The following PARD3 variants were observed in gnomAD, a reference collection of about 807,000 sequenced individuals.
PARD3 encodes the protein par-3 family cell polarity regulator.
In PARD3, 75 loss-of-function variants were observed where a neutral mutation model predicts 155.4. The observed-to-expected ratio is 0.48, with a 90% CI of 0.40 to 0.58. The LOEUF is 0.58. Among genes scored for constraint, PARD3 ranks in the 20% least tolerant of loss-of-function variants. The pLI is 0.00. For missense variants in PARD3, 1,642 were observed against 1,721.7 expected (o/e 0.95, Z 0.82); for synonymous variants, 576 against 610.5 (o/e 0.94, Z 0.83).
At chr10:34,367,530 C>T (rs533971611) in intron 12 of PARD3, among the ~76,000 whole-genome samples, 1 of 152,084 alleles carries the variant, frequency 6.6e-6, no homozygotes, top group East Asian at 1.9e-4. Flanking sequence ...ATGGTGAAAC[C>T]CCGTCTCTAC....
At chr10:34,446,857 A>G (rs2076764676) in intron 5 of PARD3, among the ~76,000 whole-genome samples, 2 of 152,246 alleles carry the variant, frequency 1.3e-5, no homozygotes, top group Admixed American at 1.3e-4. Flanking sequence ...TTTATACCAT[A>G]AAACATAGGC....
intron 2 of PARD3, among the ~76,000 whole-genome samples, chr10:34,692,505 A>G (rs1329604247): frequency 6.6e-6 from 1 of 152,238 alleles, no homozygotes; most frequent in Non-Finnish European, 1.5e-5. Context: ...CAAATTATGC[A>G]TCCAACAAAG....
chr10:34,497,135 A>G (rs1446457815), intron 3 of PARD3, among the ~76,000 whole-genome samples: 1 of 152,224 alleles, frequency 6.6e-6, no homozygotes, highest in Non-Finnish European at 1.5e-5. Context: ...TATCCAATGT[A>G]GTAACACTAA....
intron 1 of PARD3, 57 bp from the exon 2 acceptor site, chr10:34,696,476 T>C (rs751452651): frequency 5.1e-5 from 54 of 1,060,822 alleles, no homozygotes; most frequent in Non-Finnish European, 6.2e-5. Context: ...AAAAGGGAAT[T>C]AGACATTTTA....
At chr10:34,447,445 C>T (rs1287543857) in intron 5 of PARD3, among the ~76,000 whole-genome samples, 1 of 124,846 alleles carries the variant, frequency 8.0e-6, no homozygotes, top group Non-Finnish European at 1.6e-5. Context: ...TGTGCCACTG[C>T]ACTCTAGCCT....
chr10:34,683,272 A>T (rs1028539150), intron 2 of PARD3, among the ~76,000 whole-genome samples: 2 of 151,986 alleles, frequency 1.3e-5, no homozygotes, highest in African/African-American at 4.8e-5. Context: ...GGCTTGCAAA[A>T]CTATTTACCG....
At chr10:34,306,650 A>C (rs1436618807) in intron 20 of PARD3, among the ~76,000 whole-genome samples, 1 of 151,388 alleles carries the variant, frequency 6.6e-6, no homozygotes, top group Non-Finnish European at 1.5e-5. Context: ...ACTCCATCTC[A>C]AAATAATAAT....
At chr10:34,344,753 A>G (rs892619968) in intron 15 of PARD3, 1 of 985,478 alleles carries the variant, frequency 1.0e-6, no homozygotes, top group Middle Eastern at 5.2e-4. Context: ...AAAAGAGATG[A>G]CAGAGAAATC....
At chr10:34,399,515 A>G (rs967062147) in intron 6 of PARD3, 102 bp from the exon 7 acceptor site, 2 of 761,480 alleles carry the variant, frequency 2.6e-6, no homozygotes, top group African/African-American at 3.5e-5. Flanking sequence ...GACACACAAT[A>G]AACAACAAAA....
At chr10:34,729,489 C>T (rs2094778343) in intron 1 of PARD3, among the ~76,000 whole-genome samples, 1 of 150,724 alleles carries the variant, frequency 6.6e-6, no homozygotes, top group South Asian at 2.1e-4. Flanking sequence ...CAACATCACA[C>T]CACTGCACTC....
intron 2 of PARD3, among the ~76,000 whole-genome samples, chr10:34,603,466 T>A (rs190948677): frequency 9.2e-5 from 14 of 152,302 alleles, no homozygotes; most frequent in African/African-American, 2.9e-4. Flanking sequence ...TCCAAAATAA[T>A]GTGAAGAGGA....
chr10:34,269,637 C>A lies in PARD3; in HGVS notation c.3419+20G>T. 1 of 1,610,144 alleles carries A rather than the reference C, an allele frequency of 6.2e-7. No individual in the cohort carries two copies. Among genetic ancestry groups the A allele is most frequent in the Non-Finnish European group, 8.5e-7 (1 of 1,177,054 alleles). On this transcript the variant is annotated intron_variant, in intron 22 of 24. Coordinates refer to ENST00000374788, the MANE Select transcript of PARD3 (RefSeq NM_001184785.2). ...AAAAGCTGATTTGGAAGCAATACCA[C>A]GATTGCCCCTGGCGCCTACCTGTCT...
chr10:34,476,644 A>C (rs962368237), intron 3 of PARD3, among the ~76,000 whole-genome samples: 4 of 152,188 alleles, frequency 2.6e-5, no homozygotes, highest in African/African-American at 9.7e-5. Context: ...AATACCAAAA[A>C]GGTGCGAGTA....
chr10:34,394,893 G>A (rs1464469332), intron 7 of PARD3, among the ~76,000 whole-genome samples: 2 of 150,742 alleles, frequency 1.3e-5, no homozygotes, highest in African/African-American at 2.4e-5. Context: ...CTATGGTCCT[G>A]TAGACCAATA....
At chr10:34,805,972 G>T (rs1043681622) in intron 1 of PARD3, among the ~76,000 whole-genome samples, 1 of 150,842 alleles carries the variant, frequency 6.6e-6, no homozygotes, top group Non-Finnish European at 1.5e-5. Context: ...GCGAGACTCC[G>T]TCTCAAAAAG....
chr10:34,344,933 T>C (rs1837245949), intron 15 of PARD3: 2 of 985,402 alleles, frequency 2.0e-6, no homozygotes, highest in Non-Finnish European at 2.4e-6. Flanking sequence ...CCCCGACATA[T>C]AAGGTAAGTT....
chr10:34,289,933 G>T (rs943129102), intron 20 of PARD3, among the ~76,000 whole-genome samples: 4 of 152,096 alleles, frequency 2.6e-5, no homozygotes, highest in African/African-American at 9.7e-5. Context: ...TGACAACAAA[G>T]GATGACAACA....
intron 4 of PARD3, among the ~76,000 whole-genome samples, chr10:34,453,120 C>A (rs1452274178): frequency 6.6e-6 from 1 of 152,166 alleles, no homozygotes; most frequent in Non-Finnish European, 1.5e-5. Flanking sequence ...TATAGGTAGA[C>A]CAGAGGGAAT....
At chr10:34,415,977 C>T (rs185627753) in intron 5 of PARD3, among the ~76,000 whole-genome samples, 1 of 152,098 alleles carries the variant, frequency 6.6e-6, no homozygotes, top group African/African-American at 2.4e-5. Flanking sequence ...GATTTAAAAG[C>T]CTTCATGAAT....
Sources: allele counts gnomAD v4.1 joint callset (sites outside exome capture counted in the v4.1 genomes callset), GRCh38; gene constraint gnomAD v4.1.1; transcripts MANE v1.5; gene names NCBI Gene and HGNC (gene_info 2026-07-23, HGNC 2026-07-21).